The following ZNF804A variants were observed in gnomAD, a reference collection of about 807,000 sequenced individuals.
ZNF804A encodes zinc finger protein 804A.
Under a neutral mutation model 16.5 loss-of-function variants are expected in ZNF804A, and 2 were observed. That is an observed-to-expected ratio of 0.12 (90% confidence interval 0.05 to 0.38). ZNF804A has a LOEUF of 0.38. ZNF804A is among the 10% of genes least tolerant of loss of function. ZNF804A has a pLI of 0.99. For missense variants in ZNF804A, 1,473 were observed against 1,390.7 expected, an observed-to-expected ratio of 1.06 and a Z score of -0.94; for synonymous variants, 534 against 489.6, an observed-to-expected ratio of 1.09 and a Z score of -1.20.
intron 1 of ZNF804A, among the ~76,000 whole-genome samples, chr2:184,662,549 T>C (rs1342486114): frequency 1.3e-5 from 2 of 152,214 alleles, no homozygotes; most frequent in Non-Finnish European, 1.5e-5. Flanking sequence ...AGTATTTGCT[T>C]ATTACTTATC....
chr2:184,879,263 C>T lies in ZNF804A; in HGVS notation c.255+12751C>T, dbSNP rs138650950. On this transcript the variant is annotated intron_variant, in intron 2 of 3. Coordinates refer to ENST00000302277, the MANE Select transcript of ZNF804A (RefSeq NM_194250.2). ...TATAAATAATTGATATCTCCATGAG[C>T]ATCTTTGACAAATGAGAGTTCTGAC... 2.1e-3 allele frequency among the ~76,000 whole-genome samples: 313 copies of T among 152,066 alleles called. 1 individual carries two copies. The highest frequency in any genetic ancestry group is 7.2e-3 in the African/African-American group (301 of 41,520).
intron 2 of ZNF804A, among the ~76,000 whole-genome samples, chr2:184,906,014 C>A (rs1685269114): frequency 2.0e-5 from 3 of 152,168 alleles, no homozygotes; most frequent in Admixed American, 6.5e-5. Flanking sequence ...AGGTTACCTT[C>A]TGGCCAATTC....
chr2:184,866,698 A>T (rs1265150755), intron 2 of ZNF804A, among the ~76,000 whole-genome samples, 186 bp downstream of exon 2: 1 of 151,410 alleles, frequency 6.6e-6, no homozygotes, highest in Non-Finnish European at 1.5e-5. Context: ...TTTTTAAAAA[A>T]AAAGGCACCA....
At chr2:184,761,878 AC>A in intron 1 of ZNF804A, among the ~76,000 whole-genome samples, 1 of 152,218 alleles carries the variant, frequency 6.6e-6, no homozygotes, top group East Asian at 1.9e-4. Flanking sequence ...GCTGCTATTT[AC>A]CTCAGGTCCC....
At chr2:184,905,687 G>A (rs191335031) in intron 2 of ZNF804A, among the ~76,000 whole-genome samples, 22 of 152,252 alleles carry the variant, frequency 1.4e-4, no homozygotes, top group Non-Finnish European at 2.6e-4. Flanking sequence ...ATGGCATAGA[G>A]ACTCTGTGTT....
At chr2:184,781,567 A>G (rs951225286) in intron 1 of ZNF804A, among the ~76,000 whole-genome samples, 1 of 151,530 alleles carries the variant, frequency 6.6e-6, no homozygotes, top group Non-Finnish European at 1.5e-5. Flanking sequence ...GGAAATTTTC[A>G]TTTTCTGAAT....
At chr2:184,664,943 A>G (rs553841225) in intron 1 of ZNF804A, among the ~76,000 whole-genome samples, 3 of 152,338 alleles carry the variant, frequency 2.0e-5, no homozygotes, top group South Asian at 2.1e-4. Context: ...CCAGCGTAGT[A>G]TACTAGAATC....
At chr2:184,716,418 G>T (rs1424347422) in intron 1 of ZNF804A, among the ~76,000 whole-genome samples, 1 of 151,870 alleles carries the variant, frequency 6.6e-6, no homozygotes, top group Non-Finnish European at 1.5e-5. Flanking sequence ...CACAATTCAT[G>T]ATTTACAGAT....
intron 1 of ZNF804A, among the ~76,000 whole-genome samples, chr2:184,656,333 G>A (rs1489185981): frequency 6.6e-6 from 1 of 152,112 alleles, no homozygotes; most frequent in East Asian, 1.9e-4. Flanking sequence ...TAAATTTATA[G>A]GAGTGTTATT....
At chr2:184,880,972 G>A (rs574062773) in intron 2 of ZNF804A, among the ~76,000 whole-genome samples, 62 of 152,090 alleles carry the variant, frequency 4.1e-4, no homozygotes, top group Non-Finnish European at 6.5e-4. Flanking sequence ...GAAGATCATC[G>A]ACATTCAGGA....
chr2:184,817,852 C>A (rs1341671171), intron 1 of ZNF804A, among the ~76,000 whole-genome samples: 1 of 151,408 alleles, frequency 6.6e-6, no homozygotes, highest in Non-Finnish European at 1.5e-5. Flanking sequence ...CAGAAAAGGA[C>A]AGAGGAAAAA....
intron 1 of ZNF804A, among the ~76,000 whole-genome samples, chr2:184,804,746 A>C (rs1416006656): frequency 6.6e-6 from 1 of 152,222 alleles, no homozygotes; most frequent in African/African-American, 2.4e-5. Context: ...TATCCAGGAA[A>C]TACAACTCAG....
chr2:184,782,321 T>C (rs1056090446), intron 1 of ZNF804A, among the ~76,000 whole-genome samples: 1 of 151,560 alleles, frequency 6.6e-6, no homozygotes, highest in Non-Finnish European at 1.5e-5. Context: ...TACGAAGGTG[T>C]TGCCAAAGAA....
rs114255642 is a variant in ZNF804A at position 184,887,026 on chromosome 2, T to A, written c.255+20514T>A. ...TTTCCTTCCTATCATATAGTCAGGC[T>A]GCAAATTTTCCAAACTTATATTCTC... is the stretch of plus-strand genomic sequence containing the variant. On this transcript the variant is annotated intron_variant, in intron 2 of 3. Transcript: ENST00000302277. Among the ~76,000 whole-genome samples, 313 of 152,356 alleles carry A rather than the reference T, an allele frequency of 2.1e-3. 1 individual carries two copies. The highest frequency in any genetic ancestry group is 7.2e-3 in the African/African-American group (301 of 41,570).
chr2:184,681,458 C>T (rs979441846), intron 1 of ZNF804A, among the ~76,000 whole-genome samples: 10 of 152,038 alleles, frequency 6.6e-5, no homozygotes, highest in African/African-American at 2.2e-4. Flanking sequence ...AGCATACTGT[C>T]GGTGGATCTA....
chr2:184,920,928 G>T (rs1348428968), intron 2 of ZNF804A, among the ~76,000 whole-genome samples: 1 of 152,144 alleles, frequency 6.6e-6, no homozygotes, highest in Non-Finnish European at 1.5e-5. Flanking sequence ...TGAAAGGACA[G>T]GTATGCAGAC....
chr2:184,830,198 TG>T (rs1558975139), intron 1 of ZNF804A, among the ~76,000 whole-genome samples: 1 of 152,080 alleles, frequency 6.6e-6, no homozygotes, highest in Non-Finnish European at 1.5e-5. Flanking sequence ...TACTTATGTA[TG>T]TAAAGTGTAA....
At position 184,936,269 on chromosome 2, in the gene ZNF804A, T is replaced by C; in HGVS notation, c.873T>C (p.Val291=). The C allele has an allele frequency of 6.2e-7, 1 of 1,613,982 alleles. No homozygotes were observed. The highest frequency in any genetic ancestry group is 1.1e-5 in the South Asian group (1 of 91,082). ...CAATGTGCAGAGACAAAGAAACTGT[T>C]CAAACTCAAGAGATAAAAGAAGTCT... ...PEAMCRDKET[V]QTQEIKEVSS... The change falls in exon 4 of 4, where the codon GTT becomes GTC. Residue 291 remains valine, a synonymous_variant. Transcript: ENST00000302277.
chr2:184,744,347 A>G (rs1234405517), intron 1 of ZNF804A, among the ~76,000 whole-genome samples: 1 of 151,898 alleles, frequency 6.6e-6, no homozygotes, highest in East Asian at 1.9e-4. Flanking sequence ...TGTCTCCCCA[A>G]AATTCATATG....
Sources: gnomAD v4.1 joint callset for allele counts (sites outside exome capture counted in the v4.1 genomes callset) on GRCh38, gnomAD v4.1.1 for gene constraint, MANE v1.5 for transcripts, NCBI Gene and HGNC (gene_info 2026-07-23, HGNC 2026-07-21) for gene names.